FAAH2: variants seen among roughly 807,000 people sequenced by gnomAD.
The protein encoded by FAAH2 is fatty-acid amide hydrolase 2.
Under a neutral mutation model 36.9 loss-of-function variants are expected in FAAH2, and 60 were observed. The observed-to-expected ratio is 1.63, with a 90% CI of 1.32 to 2.02. The LOEUF is 2.02. Ranked by LOEUF, FAAH2 falls within the 30% of genes most tolerant of loss-of-function variation. FAAH2 has a pLI of 0.00. For synonymous variants in FAAH2, 214 were observed against 143.8 expected (o/e 1.49, Z -3.49); for missense variants, 689 against 397.5 (o/e 1.73, Z -6.23).
chrX:57,436,279 T>C (rs992811078), intron 8 of FAAH2, among the ~76,000 whole-genome samples: 40 of 109,719 alleles, frequency 3.6e-4, no homozygotes, highest in African/African-American at 1.3e-3. Context: ...CATTACAAAT[T>C]AACAACCTAA....
At chrX:57,249,914 C>G in the FAAH2 span, among the ~76,000 whole-genome samples, 1 of 111,755 alleles carries the variant, frequency 8.9e-6, no homozygotes, top group Admixed American at 9.5e-5. Context: ...CTTAGAGATT[C>G]TGGTCACAAT....
intron 10 of FAAH2, among the ~76,000 whole-genome samples, chrX:57,467,548 G>A (rs1200889737): frequency 1.8e-5 from 2 of 111,788 alleles, no homozygotes; most frequent in Non-Finnish European, 3.8e-5. Context: ...CAGCGAGGCT[G>A]GAGGAGAGGT....
Position 57,392,875 on chromosome X carries a change from C to A in FAAH2, c.996+11846C>A. 4 of 808,073 alleles carry A rather than the reference C, an allele frequency of 5.0e-6. No homozygotes were observed. The South Asian group carries it at 8.2e-5, about 17-fold the overall frequency. 66.6% of individuals were successfully genotyped at this position (808,073 alleles called of 1,213,427 possible). A position where few individuals can be genotyped will look rare whatever the true frequency, so the allele number is the denominator to read the frequency against. Reference sequence around the variant, plus strand: ...TTGGCCATGCAGATGGGGAGATTCCCAAAGCCCTGCTTTGTGTAGACTTCA... The same window carrying A: ...TTGGCCATGCAGATGGGGAGATTCCAAAAGCCCTGCTTTGTGTAGACTTCA... On this transcript the variant is annotated intron_variant, in intron 7 of 10. Transcript: ENST00000374900.
intron 10 of FAAH2, among the ~76,000 whole-genome samples, chrX:57,463,824 C>G (rs2057002704): frequency 9.0e-6 from 1 of 111,614 alleles, no homozygotes; most frequent in South Asian, 3.8e-4. Flanking sequence ...ATTATTTCAA[C>G]CATTGTGGAA....
chrX:57,442,105 T>A (rs1334795060), intron 8 of FAAH2, among the ~76,000 whole-genome samples: 2 of 111,343 alleles, frequency 1.8e-5, no homozygotes, highest in Non-Finnish European at 3.8e-5. Context: ...GGTGGAGAGT[T>A]CTGTAGATGT....
chrX:57,462,482 TG>T (rs1458360378), intron 10 of FAAH2, among the ~76,000 whole-genome samples: 1 of 111,794 alleles, frequency 8.9e-6, no homozygotes, highest in Non-Finnish European at 1.9e-5. Context: ...GTTTCATAAC[TG>T]GGATGCAAGG....
At chrX:57,328,524 T>G (rs2053293807) in intron 3 of FAAH2, among the ~76,000 whole-genome samples, 1 of 111,765 alleles carries the variant, frequency 8.9e-6, no homozygotes, top group Non-Finnish European at 1.9e-5. Flanking sequence ...TCAATGATCT[T>G]TCTTTCTATC....
the FAAH2 span, among the ~76,000 whole-genome samples, chrX:57,149,153 T>G: frequency 9.0e-6 from 1 of 111,546 alleles, no homozygotes; most frequent in Non-Finnish European, 1.9e-5. Flanking sequence ...GCTGGATTCG[T>G]TTTGCCAGTA....
chrX:57,256,134 A>G, the FAAH2 span, among the ~76,000 whole-genome samples: 1 of 111,935 alleles, frequency 8.9e-6, no homozygotes, highest in South Asian at 3.7e-4. Context: ...AACAAATAAG[A>G]GACAAGCAGC....
At chrX:57,299,069 A>G (rs2052242783) in intron 2 of FAAH2, among the ~76,000 whole-genome samples, 1 of 111,794 alleles carries the variant, frequency 8.9e-6, no homozygotes, top group East Asian at 2.8e-4. Context: ...ATTCCAATCA[A>G]TAGAAAAATA....
the FAAH2 span, among the ~76,000 whole-genome samples, chrX:57,258,193 G>A: frequency 9.0e-6 from 1 of 111,100 alleles, no homozygotes; most frequent in African/African-American, 3.3e-5. Flanking sequence ...TTGACAATAA[G>A]AAAAGGATAG....
At chrX:57,262,346 G>A in the FAAH2 span, among the ~76,000 whole-genome samples, 1 of 111,304 alleles carries the variant, frequency 9.0e-6, no homozygotes, top group African/African-American at 3.3e-5. Context: ...TGCAAAGATA[G>A]GGAAGATAAT....
the FAAH2 span, among the ~76,000 whole-genome samples, chrX:57,212,520 T>TA: frequency 5.3e-5 from 6 of 112,158 alleles, no homozygotes; most frequent in Admixed American, 9.4e-5. Context: ...GAGATACATT[T>TA]AAAAAATAAA....
chrX:57,171,304 A>C, the FAAH2 span, among the ~76,000 whole-genome samples: 1 of 111,432 alleles, frequency 9.0e-6, no homozygotes, highest in Non-Finnish European at 1.9e-5. Context: ...CAAATGTTAG[A>C]TCGACTTTTC....
chrX:57,323,498 G>T (rs1323278713), intron 3 of FAAH2, among the ~76,000 whole-genome samples: 1 of 111,116 alleles, frequency 9.0e-6, no homozygotes, highest in Non-Finnish European at 1.9e-5. Context: ...AGCACCTGTT[G>T]TTCCTGACTT....
chrX:57,448,743 C>T (rs2056731128), intron 10 of FAAH2, 25 bp downstream of exon 10: 5 of 1,143,722 alleles, frequency 4.4e-6, no homozygotes, highest in Non-Finnish European at 4.7e-6. Context: ...TCCTTACATT[C>T]TGTAATCTTA....
At position 57,381,029 on chromosome X, in the gene FAAH2, G is replaced by T. The variant is rs200791567; in HGVS notation, c.996G>T (p.Lys332Asn). The T allele has an allele frequency of 3.3e-5, 38 of 1,150,737 alleles. No individual in the cohort carries two copies. Among genetic ancestry groups the T allele is most frequent in the East Asian group, 9.1e-5 (3 of 32,949 alleles). 94.8% of individuals were successfully genotyped at this position (1,150,737 alleles called of 1,213,427 possible). The change falls in exon 7 of 11, where the codon AAG (lysine) becomes AAT (asparagine). Residue 332 changes from lysine to asparagine, a missense_variant and splice_region_variant. Lys to Asn is a moderately conservative substitution (Grantham distance 94, BLOSUM62 0). Transcript: ENST00000374900. Reference sequence around the variant, plus strand: ...AAGATCTCATTATGACTCAGAAAAAGGTAATTTTAAATAAAATTTGTTTAG... The same window carrying T: ...AAGATCTCATTATGACTCAGAAAAATGTAATTTTAAATAAAATTTGTTTAG... ...VDQDLIMTQK[K>N]VVVHLETILG...
intron 8 of FAAH2, among the ~76,000 whole-genome samples, chrX:57,443,344 T>A (rs2056604629): frequency 8.9e-6 from 1 of 111,835 alleles, no homozygotes; most frequent in African/African-American, 3.3e-5. Flanking sequence ...TGTTCTTGCT[T>A]CATTTCATTC....
the FAAH2 span, among the ~76,000 whole-genome samples, chrX:57,242,185 G>A: frequency 8.9e-6 from 1 of 111,791 alleles, no homozygotes; most frequent in Non-Finnish European, 1.9e-5. Context: ...GCAGGGGTCA[G>A]CAGACACCTT....
Sources: gnomAD v4.1 joint callset for allele counts (sites outside exome capture counted in the v4.1 genomes callset) on GRCh38, gnomAD v4.1.1 for gene constraint, MANE v1.5 for transcripts, NCBI Gene and HGNC (gene_info 2026-07-23, HGNC 2026-07-21) for gene names.